Variants in PDGFB observed in about 807,000 individuals in gnomAD.
PDGFB encodes platelet-derived growth factor subunit B.
PDGFB carries 6 observed loss-of-function variants against 29.0 expected under a neutral mutation model. The observed-to-expected ratio is 0.21, with a 90% CI of 0.11 to 0.41. PDGFB has a LOEUF of 0.41. Among genes scored for constraint, PDGFB ranks in the 10% least tolerant of loss-of-function variants. The probability of loss-of-function intolerance (pLI) is 1.00; values close to 1 mark genes in which losing one functional copy is unlikely to be tolerated. For missense variants in PDGFB, 299 were observed against 341.8 expected (o/e 0.87, Z 0.99); for synonymous variants, 144 against 140.8 (o/e 1.02, Z -0.16).
chr22:39,225,873 T>G (rs1459625847), intron 5 of PDGFB, 26 bp from the exon 6 acceptor site: 1 of 1,603,638 alleles, frequency 6.2e-7, no homozygotes, highest in Non-Finnish European at 8.5e-7. Context: ...AAAGACCTCG[T>G]CAGCATGTGG....
chr22:39,239,935 G>A (rs1932529558), intron 1 of PDGFB, among the ~76,000 whole-genome samples: 1 of 152,204 alleles, frequency 6.6e-6, no homozygotes. Flanking sequence ...CAGGGGCGTT[G>A]TCTGTGGCTG....
chr22:39,231,555 G>A lies in PDGFB; in HGVS notation c.456+67C>T. Reference sequence around the variant, plus strand: ...CAGTCAAGGAAGCCTGGTCAGGTATGAGCCCCAGAAGGGTGGTCTCCACCC... The same window carrying A: ...CAGTCAAGGAAGCCTGGTCAGGTATAAGCCCCAGAAGGGTGGTCTCCACCC... On this transcript the variant is annotated intron_variant, in intron 4 of 6. Coordinates refer to ENST00000331163, the MANE Select transcript of PDGFB (RefSeq NM_002608.4). The surrounding 1 kb of genome is among the most constrained non-coding windows in gnomAD (Gnocchi z 4.3). 1 of 1,188,746 alleles carries A rather than the reference G, an allele frequency of 8.4e-7. No individual in the cohort carries two copies. Among genetic ancestry groups the A allele is most frequent in the Non-Finnish European group, 1.2e-6 (1 of 852,970 alleles). 73.6% of individuals were successfully genotyped at this position (1,188,746 alleles called of 1,614,324 possible). A position where few individuals can be genotyped will look rare whatever the true frequency, so the allele number is the denominator to read the frequency against.
At position 39,242,546 on chromosome 22, in the gene PDGFB, C is replaced by G. The variant is rs2146456869; in HGVS notation, c.63+1355G>C. On this transcript the variant is annotated intron_variant, in intron 1 of 6. Transcript: ENST00000331163. This position sits in a 1 kb window ranked among gnomAD's most constrained non-coding sequence, Gnocchi z 5.7. ...CGGCCGAGCCCCGCGTCCTCCCTCC[C>G]GGGTGCGGGCCGCGGGGGGCGGCCG... Among the ~76,000 whole-genome samples the G allele has an allele frequency of 6.6e-6, 1 of 150,878 alleles. No homozygotes were observed. Among genetic ancestry groups the G allele is most frequent in the East Asian group, 2.0e-4 (1 of 5,124 alleles).
intron 5 of PDGFB, among the ~76,000 whole-genome samples, chr22:39,226,868 T>C (rs747228445): frequency 6.6e-6 from 1 of 152,200 alleles, no homozygotes; most frequent in African/African-American, 2.4e-5. Context: ...AGGCTGAGGA[T>C]CTGACCCACC....
In PDGFB at chr22:39,242,617, G is replaced by A. The variant is rs1489647916; in HGVS notation, c.63+1284C>T. ...GCGGGCGGCCTGCGGCCCTCGAGGA[G>A]CCCCGAGAACAAAAGGAGACGGCGA... On this transcript the variant is annotated intron_variant, in intron 1 of 6. Transcript: ENST00000331163. This position sits in a 1 kb window ranked among gnomAD's most constrained non-coding sequence, Gnocchi z 5.7. 4.0e-5 allele frequency among the ~76,000 whole-genome samples: 6 copies of A among 151,708 alleles called. No individual in the cohort carries two copies. Among genetic ancestry groups the A allele is most frequent in the African/African-American group, 1.5e-4 (6 of 41,372 alleles).
chr22:39,235,120 A>C (rs1368882855), intron 2 of PDGFB, among the ~76,000 whole-genome samples: 3 of 152,238 alleles, frequency 2.0e-5, no homozygotes, highest in Non-Finnish European at 4.4e-5. Context: ...CCCCGTAGAT[A>C]GCGTCTGGGC....
intron 3 of PDGFB, 74 bp downstream of exon 3, chr22:39,233,361 G>C: frequency 1.7e-6 from 2 of 1,159,096 alleles, no homozygotes; most frequent in Non-Finnish European, 2.5e-6. Context: ...CCTCCGACTG[G>C]CTGCCCGCCC....
intron 5 of PDGFB, among the ~76,000 whole-genome samples, chr22:39,228,432 T>G (rs1052824785): frequency 4.6e-5 from 7 of 151,452 alleles, no homozygotes; most frequent in Non-Finnish European, 8.8e-5. Flanking sequence ...CTACAAAAAC[T>G]TAAAATATTA....
intron 5 of PDGFB, among the ~76,000 whole-genome samples, chr22:39,228,012 T>C (rs1182763788): frequency 2.6e-5 from 4 of 152,170 alleles, no homozygotes; most frequent in Non-Finnish European, 5.9e-5. Context: ...GACACTGGGC[T>C]ATACCAAGCC....
Position 39,225,734 on chromosome 22 carries a change from G to A in PDGFB, c.715C>T (p.Leu239Phe), listed in dbSNP as rs775740429. 1 of 1,613,800 alleles carries A rather than the reference G, an allele frequency of 6.2e-7. No individual in the cohort carries two copies. The highest frequency in any genetic ancestry group is 8.5e-7 in the Non-Finnish European group (1 of 1,179,938). ...THDKTALKET[L>F]GA Reference sequence around the variant, plus strand: ...TCCTGCCGATGCCCCTAGGCTCCAAGGGTCTCCTTCAGTGCCGTCTTGTCA... The same window carrying A: ...TCCTGCCGATGCCCCTAGGCTCCAAAGGTCTCCTTCAGTGCCGTCTTGTCA... The change falls in exon 6 of 7, where the codon CTT (leucine) becomes TTT (phenylalanine). Residue 239 changes from leucine (L) to phenylalanine (F), a missense_variant. Physicochemically the swap from Leu to Phe is conservative, Grantham distance 22. Coordinates refer to ENST00000331163, the MANE Select transcript of PDGFB (RefSeq NM_002608.4).
intron 1 of PDGFB, among the ~76,000 whole-genome samples, chr22:39,241,708 G>A (rs891965797): frequency 6.6e-6 from 1 of 152,224 alleles, no homozygotes; most frequent in African/African-American, 2.4e-5. Context: ...ACAGCCAGGG[G>A]TGGGAGCCCC....
At chr22:39,233,561 C>G (rs1932365852) in intron 2 of PDGFB, 37 bp from the exon 3 acceptor site, 1 of 1,499,644 alleles carries the variant, frequency 6.7e-7, no homozygotes, top group African/African-American at 1.4e-5. Flanking sequence ...CAGGCGGCCC[C>G]ACCTTGGGCA....
In PDGFB at chr22:39,242,907, GC is replaced by G; in HGVS notation, c.63+993del. On this transcript the variant is annotated intron_variant, in intron 1 of 6. Transcript: ENST00000331163. The surrounding 1 kb of genome is among the most constrained non-coding windows in gnomAD (Gnocchi z 5.7). ...TCCCCTCCACCGCGCGCGTCGTCCT[GC>G]CCCGCCCCCTTTCCCACCTGGATTC... is the stretch of plus-strand genomic sequence containing the variant. 4.3e-6 allele frequency: 1 copy of G among 233,074 alleles called. No homozygotes were observed. Among genetic ancestry groups the G allele is most frequent in the East Asian group, 6.0e-5 (1 of 16,548 alleles). 14.4% of individuals were successfully genotyped at this position (233,074 alleles called of 1,614,324 possible). A position where few individuals can be genotyped will look rare whatever the true frequency, so the allele number is the denominator to read the frequency against.
Position 39,231,770 on chromosome 22 carries a change from A to G in PDGFB, c.308T>C (p.Val103Ala). Residue 103 changes from valine to alanine, a missense_variant, in exon 4 of 7, where the codon GTG becomes GCG. Physicochemically the swap from Val to Ala is moderately conservative, Grantham distance 64. Coordinates refer to ENST00000331163, the MANE Select transcript of PDGFB (RefSeq NM_002608.4). The surrounding 1 kb of genome is among the most constrained non-coding windows in gnomAD (Gnocchi z 4.3). ...MIAECKTRTE[V>A]FEISRRLIDR... The stretch of plus-strand genomic sequence containing the variant: ...TATGAGGCGCCGGGAGATCTCGAAC[A>G]CCTCGGTGCGCGTCTTGCACTCGGC... The G allele has an allele frequency of 6.2e-7, 1 of 1,613,434 alleles. No homozygotes were observed. The highest frequency in any genetic ancestry group is 8.5e-7 in the Non-Finnish European group (1 of 1,179,874).
chr22:39,227,988 TG>T (rs1335513604), intron 5 of PDGFB, among the ~76,000 whole-genome samples: 1 of 152,140 alleles, frequency 6.6e-6, no homozygotes, highest in Non-Finnish European at 1.5e-5. Flanking sequence ...CCCCAGAGCC[TG>T]GGCCATCAGC....
At chr22:39,227,144 A>T (rs562632923) in intron 5 of PDGFB, among the ~76,000 whole-genome samples, 55 of 152,262 alleles carry the variant, frequency 3.6e-4, no homozygotes, top group African/African-American at 1.2e-3. Flanking sequence ...TTTTTAGTAG[A>T]GATGGGGTTT....
chr22:39,243,827 G>A lies in PDGFB; in HGVS notation c.63+74C>T. On this transcript the variant is annotated intron_variant, in intron 1 of 6. Coordinates refer to ENST00000331163, the MANE Select transcript of PDGFB (RefSeq NM_002608.4). The surrounding 1 kb of genome is among the most constrained non-coding windows in gnomAD (Gnocchi z 6.4). ...AAGGGTCCAAAGTTCACTGCAGGGAGAGGAGGGGGCGGTCAGAAGGGGGGG... is the reference window on the plus strand; with the variant it reads ...AAGGGTCCAAAGTTCACTGCAGGGAAAGGAGGGGGCGGTCAGAAGGGGGGG... 8.1e-7 allele frequency: 1 copy of A among 1,234,502 alleles called. No individual in the cohort carries two copies. Among genetic ancestry groups the A allele is most frequent in the South Asian group, 1.3e-5 (1 of 75,042 alleles). 76.5% of individuals were successfully genotyped at this position (1,234,502 alleles called of 1,614,324 possible).
chr22:39,230,351 G>T, intron 4 of PDGFB, 123 bp from the exon 5 acceptor site: 1 of 969,910 alleles, frequency 1.0e-6, no homozygotes, highest in Non-Finnish European at 1.6e-6. Context: ...AAAGCCCGGA[G>T]AGCAGGCTGT....
chr22:39,224,288 A>T lies in PDGFB; in HGVS notation c.*1054T>A, dbSNP rs1393544098. ...TGCCAGAAATTGTCATAATAAATAT[A>T]CAAATCAGCTTTATCTATGATGTGA... On this transcript the variant is annotated 3_prime_UTR_variant, in exon 7 of 7. Coordinates refer to ENST00000331163, the MANE Select transcript of PDGFB (RefSeq NM_002608.4). 1 of 152,210 alleles carries T rather than the reference A, an allele frequency of 6.6e-6. No individual in the cohort carries two copies. Among genetic ancestry groups the T allele is most frequent in the Non-Finnish European group, 1.5e-5 (1 of 68,038 alleles). The allele number at this position is 152,210 out of a possible 1,614,324, so 9.4% of individuals were successfully genotyped here.
Sources: gnomAD v4.1 joint callset for allele counts (sites outside exome capture counted in the v4.1 genomes callset) on GRCh38, gnomAD v4.1.1 for gene constraint, Gnocchi (gnomAD v3.1) non-coding constraint, MANE v1.5 for transcripts, NCBI Gene and HGNC (gene_info 2026-07-23, HGNC 2026-07-21) for gene names.